Variants in RGS7 observed in about 807,000 individuals in gnomAD.
RGS7 encodes regulator of G-protein signaling 7.
A neutral mutation model predicts 81.1 loss-of-function variants in RGS7; 27 were observed. That is an observed-to-expected ratio of 0.33 (90% CI 0.25 to 0.46). The LOEUF (loss-of-function observed/expected upper bound fraction) is 0.46, where lower values mean the gene tolerates loss of function less well. Ranked by LOEUF, RGS7 falls within the 20% of genes least tolerant of loss-of-function variation. The probability of loss-of-function intolerance (pLI) is 1.00; values close to 1 mark genes in which losing one functional copy is unlikely to be tolerated. For synonymous variants in RGS7, 208 were observed against 207.7 expected, an observed-to-expected ratio of 1.00 and a Z score of -0.01; for missense variants, 396 against 607.4, an observed-to-expected ratio of 0.65 and a Z score of 3.66.
At chr1:241,354,390 T>C (rs1281034639) in intron 2 of RGS7, among the ~76,000 whole-genome samples, 3 of 152,220 alleles carry the variant, frequency 2.0e-5, no homozygotes, top group Non-Finnish European at 4.4e-5. Context: ...CATAGAAAGC[T>C]AAGTTCTGAT....
intron 10 of RGS7, chr1:240,823,378 C>G: frequency 2.2e-6 from 1 of 455,250 alleles, no homozygotes; most frequent in Admixed American, 2.9e-5. Flanking sequence ...CGGCCTGGAG[C>G]CACGGCCGAA....
intron 6 of RGS7, among the ~76,000 whole-genome samples, chr1:240,907,717 G>A (rs148296926): frequency 1.1e-4 from 16 of 152,258 alleles, no homozygotes; most frequent in African/African-American, 3.9e-4. Context: ...TGATCAAAAA[G>A]TAAATCTTAT....
intron 2 of RGS7, among the ~76,000 whole-genome samples, chr1:241,194,645 T>C (rs745604116): frequency 6.6e-6 from 1 of 152,248 alleles, no homozygotes; most frequent in South Asian, 2.1e-4. Flanking sequence ...GCAATGGAGA[T>C]CAGTTTATTT....
intron 2 of RGS7, among the ~76,000 whole-genome samples, chr1:241,177,118 AG>A (rs2103288702): frequency 6.6e-6 from 1 of 152,352 alleles, no homozygotes; most frequent in African/African-American, 2.4e-5. Flanking sequence ...ATTCTAGGGC[AG>A]GAGGAAAGAC....
At chr1:241,200,604 CCCTG>C (rs2073430301) in intron 2 of RGS7, among the ~76,000 whole-genome samples, 1 of 152,174 alleles carries the variant, frequency 6.6e-6, no homozygotes, top group Non-Finnish European at 1.5e-5. Flanking sequence ...CAACACATTC[CCCTG>C]CCCCTCCAAC....
At chr1:241,053,409 T>C (rs2061344393) in intron 3 of RGS7, among the ~76,000 whole-genome samples, 1 of 152,224 alleles carries the variant, frequency 6.6e-6, no homozygotes, top group African/African-American at 2.4e-5. Context: ...AGGAGACTTT[T>C]CCTAGAGTTT....
chr1:240,777,423 TA>T (rs1183556130), intron 18 of RGS7, among the ~76,000 whole-genome samples: 1 of 152,200 alleles, frequency 6.6e-6, no homozygotes, highest in Non-Finnish European at 1.5e-5. Flanking sequence ...AGAAGATAAG[TA>T]AAAATTAAAA....
intron 3 of RGS7, among the ~76,000 whole-genome samples, chr1:241,016,706 A>G (rs1460461795): frequency 1.3e-5 from 2 of 152,182 alleles, no homozygotes; most frequent in Admixed American, 1.3e-4. Flanking sequence ...GTCATGTAGC[A>G]TTTATCAGAG....
chr1:241,068,823 G>A (rs1262997837), intron 3 of RGS7, among the ~76,000 whole-genome samples: 1 of 152,182 alleles, frequency 6.6e-6, no homozygotes, highest in Non-Finnish European at 1.5e-5. Flanking sequence ...AGTGTTGGAG[G>A]CGGGGCCTGT....
intron 2 of RGS7, among the ~76,000 whole-genome samples, chr1:241,187,313 A>G (rs2072211161): frequency 6.6e-6 from 1 of 152,166 alleles, no homozygotes; most frequent in Non-Finnish European, 1.5e-5. Context: ...TGAAGTAGGT[A>G]ATAGCTCTCC....
chr1:240,863,074 C>T (rs1662535248), intron 9 of RGS7, among the ~76,000 whole-genome samples: 1 of 152,070 alleles, frequency 6.6e-6, no homozygotes, highest in Non-Finnish European at 1.5e-5. Context: ...TTAGCCTCAG[C>T]CTCCTGAGTA....
At position 241,346,070 on chromosome 1, in the gene RGS7, A is replaced by C. The variant is rs554023645; in HGVS notation, c.78+9629T>G. Among the ~76,000 whole-genome samples, 124 of 152,312 alleles carry C rather than the reference A, an allele frequency of 8.1e-4. 1 individual carries two copies. Among genetic ancestry groups the C allele is most frequent in the African/African-American group, 2.9e-3 (119 of 41,578 alleles). On this transcript the variant is annotated intron_variant, in intron 2 of 18. Coordinates refer to ENST00000440928, the MANE Select transcript of RGS7 (RefSeq NM_001364886.1). Reference sequence around the variant, plus strand: ...TCTATTTTTCAACTTGCAGAGTTTCAATACAAATGTAAAACATACTTAAAA... The same window carrying C: ...TCTATTTTTCAACTTGCAGAGTTTCCATACAAATGTAAAACATACTTAAAA...
intron 2 of RGS7, among the ~76,000 whole-genome samples, chr1:241,238,759 G>A (rs1004906728): frequency 6.6e-6 from 1 of 151,820 alleles, no homozygotes; most frequent in African/African-American, 2.4e-5. Context: ...GATCCGGGAA[G>A]AAACAATATG....
chr1:241,017,690 T>C (rs2059332049), intron 3 of RGS7, among the ~76,000 whole-genome samples: 1 of 152,136 alleles, frequency 6.6e-6, no homozygotes, highest in Non-Finnish European at 1.5e-5. Context: ...TTATGGATGT[T>C]CTTCTATAGT....
At chr1:241,122,264 T>C (rs1318571351) in intron 2 of RGS7, among the ~76,000 whole-genome samples, 2 of 152,204 alleles carry the variant, frequency 1.3e-5, no homozygotes, top group African/African-American at 4.8e-5. Context: ...AGCATTCTCG[T>C]TACTCTCCCC....
At chr1:241,216,321 G>A (rs1294965112) in intron 2 of RGS7, among the ~76,000 whole-genome samples, 1 of 151,910 alleles carries the variant, frequency 6.6e-6, no homozygotes, top group East Asian at 1.9e-4. Context: ...AGAAAAATGA[G>A]AATAAAAAGA....
At chr1:241,034,323 T>C (rs1437046280) in intron 3 of RGS7, among the ~76,000 whole-genome samples, 1 of 152,230 alleles carries the variant, frequency 6.6e-6, no homozygotes, top group Non-Finnish European at 1.5e-5. Flanking sequence ...GTCAAGCCAT[T>C]GTATGAATTT....
At chr1:241,135,090 C>T (rs1245956098) in intron 2 of RGS7, among the ~76,000 whole-genome samples, 3 of 152,164 alleles carry the variant, frequency 2.0e-5, no homozygotes, top group Admixed American at 2.0e-4. Context: ...GGGGCTGACG[C>T]CATTTTAGGC....
intron 14 of RGS7, among the ~76,000 whole-genome samples, chr1:240,808,315 AG>A (rs938289845): frequency 2.0e-5 from 3 of 152,180 alleles, no homozygotes; most frequent in Non-Finnish European, 4.4e-5. Context: ...GGATTGGAAA[AG>A]GGGGATCTAG....
Sources: gnomAD v4.1 joint callset for allele counts (sites outside exome capture counted in the v4.1 genomes callset) on GRCh38, gnomAD v4.1.1 for gene constraint, MANE v1.5 for transcripts, NCBI Gene and HGNC (gene_info 2026-07-23, HGNC 2026-07-21) for gene names.